PDE8B: variants seen among roughly 807,000 people sequenced by gnomAD.
PDE8B encodes the protein high affinity cAMP-specific and IBMX-insensitive 3',5'-cyclic phosphodiesterase 8B.
A neutral mutation model predicts 101.3 loss-of-function variants in PDE8B; 26 were observed. That is an observed-to-expected ratio of 0.26 (90% CI 0.19 to 0.36). PDE8B has a LOEUF of 0.36. Ranked by LOEUF, PDE8B falls within the 10% of genes least tolerant of loss-of-function variation. The pLI is 1.00. For missense variants in PDE8B, 810 were observed against 1,163.1 expected, an observed-to-expected ratio of 0.70 and a Z score of 4.42; for synonymous variants, 424 against 429.3, an observed-to-expected ratio of 0.99 and a Z score of 0.15.
intron 1 of PDE8B, among the ~76,000 whole-genome samples, chr5:77,245,238 C>T (rs1756613167): frequency 6.6e-6 from 1 of 152,076 alleles, no homozygotes; most frequent in African/African-American, 2.4e-5. Context: ...CTCCTACTCT[C>T]CAAATTAGCG....
At chr5:77,335,089 G>A (rs1286982979) in intron 5 of PDE8B, among the ~76,000 whole-genome samples, 2 of 152,148 alleles carry the variant, frequency 1.3e-5, no homozygotes, top group Non-Finnish European at 2.9e-5. Context: ...ATACAGATAA[G>A]CTAAAAATTA....
the PDE8B span, chr5:77,111,770 C>T: frequency 1.3e-5 from 2 of 152,084 alleles, no homozygotes; most frequent in African/African-American, 4.8e-5. Flanking sequence ...TGTAAATCTC[C>T]TGATTGCAGT....
At chr5:77,357,649 G>A (rs144351235) in intron 10 of PDE8B, among the ~76,000 whole-genome samples, 2 of 152,276 alleles carry the variant, frequency 1.3e-5, no homozygotes, top group South Asian at 2.1e-4. Flanking sequence ...ACCAAGCACC[G>A]TTGGTCGATT....
At chr5:77,291,776 T>G in intron 1 of PDE8B, 2 of 1,579,532 alleles carry the variant, frequency 1.3e-6, no homozygotes, top group East Asian at 2.2e-5. Context: ...AAGACTTTCC[T>G]CTGGCCCAAG....
intron 10 of PDE8B, among the ~76,000 whole-genome samples, chr5:77,385,795 G>GTTTTTTTTT (rs35717428): frequency 9.3e-6 from 1 of 107,994 alleles, no homozygotes; most frequent in Non-Finnish European, 1.8e-5. Context: ...AGTGAGTGAG[G>GTTTTTTTTT]TTTTTTTTTT....
the PDE8B span, chr5:77,148,008 C>G: frequency 6.6e-6 from 1 of 152,152 alleles, no homozygotes; most frequent in Non-Finnish European, 1.5e-5. Context: ...AAATTGCAAG[C>G]CCAGATGCTG....
At chr5:77,272,722 A>T (rs1258088657) in intron 1 of PDE8B, among the ~76,000 whole-genome samples, 2 of 152,202 alleles carry the variant, frequency 1.3e-5, no homozygotes, top group African/African-American at 4.8e-5. Context: ...GTAGGAATAA[A>T]AACAGTTAAG....
chr5:77,282,917 T>C (rs1179151153), intron 1 of PDE8B, among the ~76,000 whole-genome samples: 2 of 151,936 alleles, frequency 1.3e-5, no homozygotes, highest in Non-Finnish European at 2.9e-5. Flanking sequence ...ACCTAAGCCC[T>C]GTGCTGACCT....
At chr5:77,285,333 C>A (rs1765785540) in intron 1 of PDE8B, among the ~76,000 whole-genome samples, 1 of 152,162 alleles carries the variant, frequency 6.6e-6, no homozygotes, top group Non-Finnish European at 1.5e-5. Context: ...TTCCTTTAAT[C>A]TGAAATAATT....
chr5:77,347,731 A>G (rs1261007096), intron 7 of PDE8B, among the ~76,000 whole-genome samples: 1 of 152,100 alleles, frequency 6.6e-6, no homozygotes, highest in Non-Finnish European at 1.5e-5. Context: ...TAGGTAGGGG[A>G]ATCAGGGAAG....
At chr5:77,234,509 A>G (rs924084524) in intron 1 of PDE8B, among the ~76,000 whole-genome samples, 11 of 152,134 alleles carry the variant, frequency 7.2e-5, no homozygotes, top group African/African-American at 2.7e-4. Context: ...CGCATGTTCA[A>G]GAGGACTTTA....
chr5:77,308,223 A>C (rs1406849555), intron 1 of PDE8B, among the ~76,000 whole-genome samples: 1 of 152,152 alleles, frequency 6.6e-6, no homozygotes, highest in Non-Finnish European at 1.5e-5. Context: ...CCTCTTTTGG[A>C]CACAGAAGCC....
At chr5:77,320,006 T>A (rs1774676828) in intron 2 of PDE8B, among the ~76,000 whole-genome samples, 1 of 152,190 alleles carries the variant, frequency 6.6e-6, no homozygotes, top group Non-Finnish European at 1.5e-5. Context: ...TAGCTTTATA[T>A]TTTTTCATTT....
At chr5:77,187,434 T>C in the PDE8B span, among the ~76,000 whole-genome samples, 1 of 151,974 alleles carries the variant, frequency 6.6e-6, no homozygotes, top group East Asian at 1.9e-4. Flanking sequence ...ACATGTCAAG[T>C]AACTAAACTG....
rs571267660 is a variant in PDE8B, at chr5:77,378,437, G to T, written c.1168-21811G>T. On this transcript the variant is annotated intron_variant, in intron 10 of 21. Coordinates refer to ENST00000264917, the MANE Select transcript of PDE8B (RefSeq NM_003719.5). ...TCGCGCCACCGCACTCCAGCCTGGC[G>T]ACAGAGCAAGACTCCATCTAAAAAA... 4.0e-4 allele frequency among the ~76,000 whole-genome samples: 52 copies of T among 129,748 alleles called. 2 individuals are homozygous for T. The South Asian group carries it at 0.013, about 32-fold the overall frequency. The allele number at this position is 129,748 out of a possible 152,430, so 85.1% of individuals were successfully genotyped here. A position where few individuals can be genotyped will look rare whatever the true frequency, so the allele number is the denominator to read the frequency against.
At chr5:77,193,310 A>G in the PDE8B span, among the ~76,000 whole-genome samples, 4 of 152,204 alleles carry the variant, frequency 2.6e-5, no homozygotes, top group South Asian at 8.3e-4. Flanking sequence ...AAATTCTACG[A>G]TCCATTTCAA....
the PDE8B span, among the ~76,000 whole-genome samples, chr5:77,133,545 A>G: frequency 6.6e-6 from 1 of 152,294 alleles, no homozygotes; most frequent in Admixed American, 6.5e-5. Context: ...AATAAGTGGC[A>G]TTGGTTTGGA....
chr5:77,110,420 A>C, the PDE8B span, among the ~76,000 whole-genome samples: 1 of 152,200 alleles, frequency 6.6e-6, no homozygotes, highest in South Asian at 2.1e-4. Context: ...AAGGTTAGGA[A>C]AACTATGGGT....
rs1554093056 is a variant in PDE8B at position 77,378,049 on chromosome 5, C to CA, written c.1168-22199_1168-22198insA. Among the ~76,000 whole-genome samples the CA allele has an allele frequency of 9.0e-3, 1,342 of 148,474 alleles. 17 individuals are homozygous for CA. Among genetic ancestry groups the CA allele is most frequent in the African/African-American group, 0.027 (1,090 of 39,740 alleles). On this transcript the variant is annotated intron_variant, in intron 10 of 21. Coordinates refer to ENST00000264917, the MANE Select transcript of PDE8B (RefSeq NM_003719.5). ...ACACACACACACACACACACACACA[C>CA]CCCCTGTTGGTTCTTTGTCTAGAGA...
Sources: gnomAD v4.1 joint callset for allele counts (sites outside exome capture counted in the v4.1 genomes callset) on GRCh38, gnomAD v4.1.1 for gene constraint, MANE v1.5 for transcripts, NCBI Gene and HGNC (gene_info 2026-07-23, HGNC 2026-07-21) for gene names.